The following TMEM223 variants were observed in gnomAD, a reference collection of about 807,000 sequenced individuals.
TMEM223 encodes the protein transmembrane protein 223.
A neutral mutation model predicts 14.1 loss-of-function variants in TMEM223; 14 were observed. The ratio of observed to expected loss-of-function variants is 0.99; its 90% confidence interval spans 0.66 to 1.55. TMEM223 has a LOEUF of 1.55. TMEM223 is among the 40% of genes most tolerant of loss of function. The pLI is 0.00. For synonymous variants in TMEM223, 145 were observed against 120.5 expected (o/e 1.20, Z -1.33); for missense variants, 346 against 269.9 (o/e 1.28, Z -1.97).
At chr11:62,776,413 A>G (rs1296256166) in intron 1 of TMEM223, 1 of 1,613,228 alleles carries the variant, frequency 6.2e-7, no homozygotes, top group Non-Finnish European at 8.5e-7. Flanking sequence ...AGCACACCAA[A>G]CGCCGGAAGC....
downstream of TMEM223, among the ~76,000 whole-genome samples, chr11:62,783,975 TGCCAAGATGGCGCCACTACAC>T: frequency 5.5e-5 from 1 of 18,032 alleles, no homozygotes; most frequent in East Asian, 1.5e-3. Context: ...GATGGAATCT[TGCCAAGATGGCGCCACTACAC>T]TCCAGCCCGG....
downstream of TMEM223, chr11:62,782,737 TATCCCTGCA>T (rs773149919): frequency 6.2e-7 from 1 of 1,612,698 alleles, no homozygotes; most frequent in Non-Finnish European, 8.5e-7. Context: ...CATATCCTGC[TATCCCTGCA>T]GAAGATCCTG....
downstream of TMEM223, chr11:62,789,045 C>A (rs756755482): frequency 3.7e-6 from 6 of 1,614,000 alleles, no homozygotes; most frequent in Non-Finnish European, 5.1e-6. Context: ...GGTAGATGTC[C>A]CCTGTATGGT....
At chr11:62,787,577 A>G (rs763147027), downstream of TMEM223, 27 of 1,471,724 alleles carry the variant, frequency 1.8e-5, no homozygotes, top group Middle Eastern at 4.9e-4. Context: ...GCCGGTCTGG[A>G]CATGGCGAGG....
rs567106716 is a variant in TMEM223 at position 62,780,173 on chromosome 11, C to T, written c.315-5508G>A. On this transcript the variant is annotated intron_variant, in intron 1 of 2. Coordinates refer to the TMEM223 transcript ENST00000528367. ...ATCTTCACTAAAAATACAAAATTAA[C>T]TGGCTGTTGTGGTGGGTGCCTGTAA... 2.6e-5 allele frequency among the ~76,000 whole-genome samples: 4 copies of T among 151,196 alleles called. No individual in the cohort carries two copies. In the East Asian group the frequency reaches 7.9e-4, roughly 30 times the overall value.
rs2084363113 is a variant in TMEM223, at chr11:62,791,708, T to C, written c.287A>G (p.Tyr96Cys). The change falls in exon 1 of 2, where the codon TAC (tyrosine) becomes TGC (cysteine). Residue 96 changes from tyrosine to cysteine, a missense_variant. By Grantham distance (194) the Tyr-to-Cys change is radical. Coordinates refer to ENST00000307366, the MANE Select transcript of TMEM223 (RefSeq NM_001080501.3). ...GGCGCCGCAGCCGACGGCCAGACCGTAGCGCCAGAGCGCGGAGCGCAGGTC... is the reference window on the plus strand; with the variant it reads ...GGCGCCGCAGCCGACGGCCAGACCGCAGCGCCAGAGCGCGGAGCGCAGGTC... ...PFDLRSALWR[Y>C]GLAVGCGAIG... is the part of the protein sequence containing the mutation. 5 of 1,549,262 alleles carry C rather than the reference T, an allele frequency of 3.2e-6. No homozygotes were observed. Among genetic ancestry groups the C allele is most frequent in the Non-Finnish European group, 4.4e-6 (5 of 1,146,680 alleles).
At chr11:62,777,872 C>A in intron 1 of TMEM223, 1 of 1,353,072 alleles carries the variant, frequency 7.4e-7, no homozygotes, top group East Asian at 2.4e-5. Flanking sequence ...TTCTGGACTT[C>A]CTTCAAACGT....
chr11:62,774,891 C>CAA (rs775768945), intron 1 of TMEM223, among the ~76,000 whole-genome samples: 4 of 84,624 alleles, frequency 4.7e-5, no homozygotes, highest in Admixed American at 2.5e-4. Flanking sequence ...AACTCCGTCT[C>CAA]AAAAAAAAAA....
At chr11:62,780,713 T>G (rs1257877951) in intron 1 of TMEM223, among the ~76,000 whole-genome samples, 1 of 149,234 alleles carries the variant, frequency 6.7e-6, no homozygotes, top group Non-Finnish European at 1.5e-5. Flanking sequence ...GTGGATCATG[T>G]GAGGCCGGGA....
chr11:62,775,883 G>T, intron 1 of TMEM223: 1 of 1,613,994 alleles, frequency 6.2e-7, no homozygotes, highest in Non-Finnish European at 8.5e-7. Flanking sequence ...TGAGGTGGCG[G>T]CGCTGCTCGC....
At chr11:62,787,133 C>G, downstream of TMEM223, 1 of 1,562,616 alleles carries the variant, frequency 6.4e-7, no homozygotes. Flanking sequence ...GGGCGGCAGG[C>G]TGGGAGGCGC....
chr11:62,782,949 C>T, downstream of TMEM223: 1 of 1,406,534 alleles, frequency 7.1e-7, no homozygotes, highest in East Asian at 2.4e-5. Flanking sequence ...GAGTTCTGGC[C>T]TTAGGCCAGG....
At chr11:62,778,379 C>T (rs1288526794) in intron 1 of TMEM223, 1 of 1,610,912 alleles carries the variant, frequency 6.2e-7, no homozygotes, top group Non-Finnish European at 8.5e-7. Context: ...TGAATTTTCT[C>T]CCTTAGGTTC....
chr11:62,790,092 G>T lies in TMEM223; in HGVS notation c.*531C>A. 6.5e-7 allele frequency: 1 copy of T among 1,531,054 alleles called. No individual in the cohort carries two copies. The allele number at this position is 1,531,054 out of a possible 1,614,324, so 94.8% of individuals were successfully genotyped here. A position where few individuals can be genotyped will look rare whatever the true frequency, so the allele number is the denominator to read the frequency against. The stretch of plus-strand genomic sequence containing the variant: ...CTGCAGCCGAAGACTCCATGCCCAA[G>T]TGCCTGTAATCCCCCCCCTCAAGGC... On this transcript the variant is annotated 3_prime_UTR_variant, in exon 2 of 2. Coordinates refer to ENST00000307366, the MANE Select transcript of TMEM223 (RefSeq NM_001080501.3).
Position 62,791,961 on chromosome 11 carries a change from G to T in TMEM223, c.34C>A (p.Leu12Met). The T allele has an allele frequency of 6.4e-7, 1 of 1,569,356 alleles. No homozygotes were observed. The highest frequency in any genetic ancestry group is 2.0e-4 in the Middle Eastern group (1 of 4,990). Residue 12 changes from leucine to methionine, a missense_variant, in exon 1 of 2, where the codon CTG becomes ATG. Coordinates refer to ENST00000307366, the MANE Select transcript of TMEM223 (RefSeq NM_001080501.3). ...AGCAGGGGCCGCAGCACGGCTAGCA[G>T]CCCCGTGGGCCATCGCCTCCAAGGC... is the stretch of plus-strand genomic sequence containing the variant. ...AAPWRRWPTG[L>M]LAVLRPLLTC...
At chr11:62,787,311 C>G (rs200498794), downstream of TMEM223, 8 of 1,529,848 alleles carry the variant, frequency 5.2e-6, no homozygotes, top group South Asian at 7.3e-5. Context: ...GTGGCCCCTT[C>G]GTTCCTTGTA....
At chr11:62,776,377 CT>C (rs1325299760) in intron 1 of TMEM223, 1 of 1,613,174 alleles carries the variant, frequency 6.2e-7, no homozygotes, top group African/African-American at 1.3e-5. Flanking sequence ...TGTTCCCTCC[CT>C]CCCAGAATAG....
rs898501506 is a variant in TMEM223, at chr11:62,790,182, GC to G, written c.*440del. The G allele has an allele frequency of 1.2e-5, 12 of 979,460 alleles. No homozygotes were observed. Among genetic ancestry groups the G allele is most frequent in the Admixed American group, 9.8e-5 (3 of 30,728 alleles). The allele number at this position is 979,460 out of a possible 1,614,324, so 60.7% of individuals were successfully genotyped here. A position where few individuals can be genotyped will look rare whatever the true frequency, so the allele number is the denominator to read the frequency against. On this transcript the variant is annotated 3_prime_UTR_variant, in exon 2 of 2. Transcript: ENST00000307366. ...GGGTGGGGGGGAAACATAATGACAG[GC>G]CCCCCTCCACCTCTTCCTGCAGCTG...
chr11:62,787,428 C>T (rs774342449), downstream of TMEM223: 10 of 1,560,818 alleles, frequency 6.4e-6, no homozygotes, highest in African/African-American at 5.5e-5. Context: ...GTGGTCAGGG[C>T]GCCATGGCGC....
Sources: allele counts gnomAD v4.1 joint callset (sites outside exome capture counted in the v4.1 genomes callset), GRCh38; gene constraint gnomAD v4.1.1; transcripts MANE v1.5; gene names NCBI Gene and HGNC (gene_info 2026-07-23, HGNC 2026-07-21).